SRGAP3: variants seen among roughly 807,000 people sequenced by gnomAD.
SRGAP3 encodes the protein SLIT-ROBO Rho GTPase-activating protein 3.
Under a neutral mutation model 121.1 loss-of-function variants are expected in SRGAP3, and 39 were observed. That is an observed-to-expected ratio of 0.32 (90% CI 0.25 to 0.42). The LOEUF (loss-of-function observed/expected upper bound fraction) is 0.42. SRGAP3 is among the 10% of genes least tolerant of loss of function. The pLI, the probability that SRGAP3 is intolerant of heterozygous loss-of-function variation, is 1.00. For missense variants in SRGAP3, 1,213 were observed against 1,470.6 expected, an observed-to-expected ratio of 0.82 and a Z score of 2.86; for synonymous variants, 601 against 570.0, an observed-to-expected ratio of 1.05 and a Z score of -0.77.
At chr3:9,322,896 C>T (rs191723817) in intron 3 of SRGAP3, among the ~76,000 whole-genome samples, 18 of 152,000 alleles carry the variant, frequency 1.2e-4, no homozygotes, top group Middle Eastern at 3.4e-3. Flanking sequence ...ATGTTTCTAG[C>T]AGCTCTATTC....
intron 8 of SRGAP3, among the ~76,000 whole-genome samples, chr3:9,055,706 A>T (rs963799234): frequency 1.3e-5 from 2 of 152,228 alleles, no homozygotes; most frequent in Admixed American, 6.5e-5. Context: ...CATTGCAGAA[A>T]ATAGAAGAAA....
chr3:9,053,228 G>A lies in SRGAP3; in HGVS notation c.1126-4C>T. 6.2e-7 allele frequency: 1 copy of A among 1,613,214 alleles called. No individual in the cohort carries two copies. The highest frequency in any genetic ancestry group is 8.5e-7 in the Non-Finnish European group (1 of 1,179,612). On this transcript the variant is annotated splice_polypyrimidine_tract_variant and splice_region_variant and intron_variant, in intron 8 of 21. Transcript: ENST00000383836. ...TGGCATCCAGGGTTTTCCTAACCTG[G>A]GGAAACACAGCAGATTGACAAAAAT...
At chr3:9,080,287 GCA>G (rs994835418) in intron 3 of SRGAP3, among the ~76,000 whole-genome samples, 200 bp from the exon 4 acceptor site, 7 of 152,148 alleles carry the variant, frequency 4.6e-5, no homozygotes, top group African/African-American at 1.7e-4. Flanking sequence ...GAGGTTCCTT[GCA>G]GATGGGATTC....
At chr3:9,194,458 T>C (rs1951859699) in intron 1 of SRGAP3, 1 of 152,242 alleles carries the variant, frequency 6.6e-6, no homozygotes, top group South Asian at 2.1e-4. Context: ...TTTTTACGAT[T>C]GAGTCTCTAA....
chr3:9,035,978 G>A (rs749020569), intron 11 of SRGAP3: 1 of 152,268 alleles, frequency 6.6e-6, no homozygotes, highest in African/African-American at 2.4e-5. Context: ...ACCTGGGTAA[G>A]GGGAGCCAGA....
At chr3:9,182,937 C>T (rs932924696) in intron 1 of SRGAP3, among the ~76,000 whole-genome samples, 2 of 152,116 alleles carry the variant, frequency 1.3e-5, no homozygotes, top group African/African-American at 2.4e-5. Context: ...GGAGTACAGG[C>T]GAGAGCCACC....
intron 1 of SRGAP3, among the ~76,000 whole-genome samples, chr3:9,152,157 T>C (rs1303012445): frequency 1.3e-5 from 2 of 152,258 alleles, no homozygotes; most frequent in Admixed American, 6.5e-5. Context: ...TGGCTCATCA[T>C]AGGTGCTCAA....
chr3:9,121,162 G>T (rs1029068260), intron 2 of SRGAP3, among the ~76,000 whole-genome samples: 2 of 152,028 alleles, frequency 1.3e-5, no homozygotes, highest in Non-Finnish European at 2.9e-5. Context: ...CTTCCTTCCT[G>T]TCTTCTTCCC....
chr3:9,051,493 C>G (rs1394835623), intron 9 of SRGAP3, among the ~76,000 whole-genome samples: 1 of 152,080 alleles, frequency 6.6e-6, no homozygotes, highest in East Asian at 1.9e-4. Flanking sequence ...TTGAATTCAT[C>G]AAGAGGAAAA....
At chr3:9,194,627 C>T (rs961537601) in intron 1 of SRGAP3, among the ~76,000 whole-genome samples, 12 of 152,120 alleles carry the variant, frequency 7.9e-5, no homozygotes, top group Non-Finnish European at 1.0e-4. Flanking sequence ...CATCTGATCC[C>T]CTATTTTCAT....
rs887189867 is a variant in SRGAP3, at chr3:8,985,279, G to A, written c.*240C>T. 2.6e-6 allele frequency: 2 copies of A among 782,628 alleles called. No homozygotes were observed. Among genetic ancestry groups the A allele is most frequent in the African/African-American group, 1.8e-5 (1 of 55,956 alleles). 48.5% of individuals were successfully genotyped at this position (782,628 alleles called of 1,614,324 possible). A position where few individuals can be genotyped will look rare whatever the true frequency, so the allele number is the denominator to read the frequency against. On this transcript the variant is annotated 3_prime_UTR_variant, in exon 22 of 22. Coordinates refer to ENST00000383836, the MANE Select transcript of SRGAP3 (RefSeq NM_014850.4). The surrounding 1 kb of genome is among the most constrained non-coding windows in gnomAD (Gnocchi z 5.1). ...CATGTTAGGGAATGCTGTGGTTGGG[G>A]CTGCTGGAGCTCCAGCACTCCTCTG...
At chr3:9,161,411 T>C (rs1384304544) in intron 1 of SRGAP3, among the ~76,000 whole-genome samples, 1 of 152,216 alleles carries the variant, frequency 6.6e-6, no homozygotes, top group Non-Finnish European at 1.5e-5. Context: ...TGCCAGACAC[T>C]GCACCAAAAA....
rs188606244 is a variant in SRGAP3 at position 9,327,764 on chromosome 3, T to C, written n.284-1596A>G. On this transcript the variant is annotated intron_variant and non_coding_transcript_variant, in intron 2 of 3. Coordinates refer to the SRGAP3 transcript ENST00000490889. ...AGGAGGCCTAATTACCTTTCAGTTG[T>C]ATATTTCTGGCATAAATTCCATTTC... is the stretch of plus-strand genomic sequence containing the variant. Among the ~76,000 whole-genome samples the C allele has an allele frequency of 2.4e-4, 36 of 152,378 alleles. 1 individual carries two copies. In the East Asian group the frequency reaches 4.6e-3, roughly 20 times the overall value.
intron 1 of SRGAP3, among the ~76,000 whole-genome samples, chr3:9,180,585 G>A (rs1475029670): frequency 6.6e-6 from 1 of 152,206 alleles, no homozygotes; most frequent in Non-Finnish European, 1.5e-5. Flanking sequence ...AGCAACTGGA[G>A]TGGAAGGCGT....
chr3:9,197,315 C>A (rs747993462), intron 1 of SRGAP3, among the ~76,000 whole-genome samples: 6 of 152,228 alleles, frequency 3.9e-5, no homozygotes, highest in Non-Finnish European at 8.8e-5. Flanking sequence ...GTTTTCCAAA[C>A]TAAAATCTAC....
In SRGAP3 at chr3:8,992,801, G is replaced by C. The variant is rs565545456; in HGVS notation, c.2558+105C>G. The C allele has an allele frequency of 1.6e-5, 26 of 1,597,022 alleles. No homozygotes were observed. The Admixed American group carries it at 4.3e-4, about 27-fold the overall frequency. ...CCCATTTCATTTTGTGGGGAACAAGGGGCTGCAGTAGGCTCCTTCTCTCCT... is the reference window on the plus strand; with the variant it reads ...CCCATTTCATTTTGTGGGGAACAAGCGGCTGCAGTAGGCTCCTTCTCTCCT... On this transcript the variant is annotated intron_variant, in intron 20 of 21. Coordinates refer to ENST00000383836, the MANE Select transcript of SRGAP3 (RefSeq NM_014850.4).
intron 3 of SRGAP3, among the ~76,000 whole-genome samples, chr3:9,092,867 G>C (rs1366078549): frequency 6.6e-6 from 1 of 152,194 alleles, no homozygotes; most frequent in Non-Finnish European, 1.5e-5. Flanking sequence ...GGTGTGGAAA[G>C]TTGGGCTGAA....
chr3:9,025,996 TTTAC>T (rs1267547362), intron 13 of SRGAP3, among the ~76,000 whole-genome samples: 1 of 152,210 alleles, frequency 6.6e-6, no homozygotes, highest in Non-Finnish European at 1.5e-5. Flanking sequence ...TCTTCATCTC[TTTAC>T]TTAAACAATA....
chr3:9,015,248 T>C (rs1943574355), intron 15 of SRGAP3, among the ~76,000 whole-genome samples: 1 of 147,078 alleles, frequency 6.8e-6, no homozygotes, highest in Non-Finnish European at 1.5e-5. Flanking sequence ...TGGGACACCC[T>C]CTTGGCTGGT....
Sources: allele counts gnomAD v4.1 joint callset (sites outside exome capture counted in the v4.1 genomes callset), GRCh38; gene constraint gnomAD v4.1.1; non-coding constraint Gnocchi (gnomAD v3.1); transcripts MANE v1.5; gene names NCBI Gene and HGNC (gene_info 2026-07-23, HGNC 2026-07-21).